RAD51B: variants seen among roughly 807,000 people sequenced by gnomAD.
RAD51B encodes the protein DNA repair protein RAD51 homolog 2.
RAD51B carries 38 observed loss-of-function variants against 42.2 expected under a neutral mutation model. The ratio of observed to expected loss-of-function variants is 0.90; its 90% CI spans 0.70 to 1.18. RAD51B has a LOEUF of 1.18. Among genes scored for constraint, RAD51B ranks in the 50% most tolerant of loss-of-function variants. The probability of loss-of-function intolerance (pLI) is 0.00; values close to 1 mark genes in which losing one functional copy is unlikely to be tolerated. For synonymous variants in RAD51B, 154 were observed against 145.2 expected, an observed-to-expected ratio of 1.06 and a Z score of -0.43; for missense variants, 373 against 400.7, an observed-to-expected ratio of 0.93 and a Z score of 0.59.
chr14:68,605,341 T>C (rs1046648961), intron 10 of RAD51B, among the ~76,000 whole-genome samples: 52 of 152,260 alleles, frequency 3.4e-4, no homozygotes, highest in African/African-American at 1.3e-3. Context: ...CCATTTTTAC[T>C]TTCTGCAGAA....
chr14:68,591,517 C>G (rs1039543468), intron 10 of RAD51B, among the ~76,000 whole-genome samples: 1 of 152,198 alleles, frequency 6.6e-6, no homozygotes, highest in Admixed American at 6.5e-5. Flanking sequence ...CTATGATAAT[C>G]GATATCCTTC....
At chr14:67,885,015 G>C (rs560583632) in intron 5 of RAD51B, among the ~76,000 whole-genome samples, 23 of 152,238 alleles carry the variant, frequency 1.5e-4, no homozygotes, top group Non-Finnish European at 2.8e-4. Context: ...CAAAATATAG[G>C]ATGCTTTTTG....
chr14:68,537,571 A>ATT (rs1269939974), intron 10 of RAD51B, among the ~76,000 whole-genome samples: 2 of 152,108 alleles, frequency 1.3e-5, no homozygotes, highest in Non-Finnish European at 2.9e-5. Flanking sequence ...CCTCTGCAAT[A>ATT]TCCTTTTAAG....
intron 8 of RAD51B, among the ~76,000 whole-genome samples, chr14:68,321,695 G>A (rs2082160220): frequency 6.6e-6 from 1 of 152,302 alleles, no homozygotes; most frequent in Middle Eastern, 3.4e-3. Flanking sequence ...TAATCATTCT[G>A]ACCTCACATT....
intron 7 of RAD51B, among the ~76,000 whole-genome samples, chr14:68,271,523 A>G (rs761061692): frequency 6.6e-6 from 1 of 152,220 alleles, no homozygotes; most frequent in Non-Finnish European, 1.5e-5. Flanking sequence ...AAAAAGATAA[A>G]TAGGCAATAC....
At chr14:68,104,613 G>C (rs2077345441) in intron 7 of RAD51B, among the ~76,000 whole-genome samples, 1 of 152,076 alleles carries the variant, frequency 6.6e-6, no homozygotes, top group African/African-American at 2.4e-5. Context: ...CACTGCAGGA[G>C]TCTCTCTGAA....
intron 8 of RAD51B, among the ~76,000 whole-genome samples, chr14:68,326,038 C>CTTTT (rs763428544): frequency 3.7e-5 from 3 of 80,468 alleles, no homozygotes; most frequent in African/African-American, 3.7e-5. Flanking sequence ...TTTTTCTTTT[C>CTTTT]TTTTTTTTTT....
chr14:68,209,450 C>G (rs2140941506), intron 7 of RAD51B, among the ~76,000 whole-genome samples: 1 of 152,326 alleles, frequency 6.6e-6, no homozygotes, highest in African/African-American at 2.4e-5. Context: ...TCACTGATAA[C>G]TCTCTGAGAG....
At chr14:67,882,398 C>T (rs1228339667) in intron 5 of RAD51B, among the ~76,000 whole-genome samples, 1 of 152,216 alleles carries the variant, frequency 6.6e-6, no homozygotes, top group Admixed American at 6.5e-5. Context: ...AATCCCAGAA[C>T]TCAGTCCTAG....
chr14:67,838,200 C>A (rs2041310509), intron 4 of RAD51B, among the ~76,000 whole-genome samples: 1 of 152,128 alleles, frequency 6.6e-6, no homozygotes, highest in Non-Finnish European at 1.5e-5. Flanking sequence ...CTGATGGACA[C>A]TTAGGTTGAT....
At chr14:68,051,228 A>G (rs932493674) in intron 7 of RAD51B, among the ~76,000 whole-genome samples, 2 of 152,088 alleles carry the variant, frequency 1.3e-5, no homozygotes, top group Admixed American at 6.5e-5. Context: ...CAAGAAGTTC[A>G]TGAAAAAGAT....
At chr14:67,878,601 A>G (rs980303962) in intron 5 of RAD51B, among the ~76,000 whole-genome samples, 1 of 152,192 alleles carries the variant, frequency 6.6e-6, no homozygotes, top group African/African-American at 2.4e-5. Context: ...GATTATATCA[A>G]TTGATATTTA....
downstream of RAD51B, among the ~76,000 whole-genome samples, chr14:68,481,151 G>GTA (rs1270956325): frequency 6.6e-6 from 1 of 152,116 alleles, no homozygotes; most frequent in Non-Finnish European, 1.5e-5. Context: ...GTGTTTTCTT[G>GTA]TAGTGCTCTC....
intron 8 of RAD51B, among the ~76,000 whole-genome samples, chr14:68,383,297 G>C (rs1190846729): frequency 6.6e-6 from 1 of 152,128 alleles, no homozygotes; most frequent in African/African-American, 2.4e-5. Flanking sequence ...CTCAACCCAG[G>C]GTACTTTGCC....
At chr14:68,267,703 A>G (rs972460593) in intron 7 of RAD51B, among the ~76,000 whole-genome samples, 1 of 152,172 alleles carries the variant, frequency 6.6e-6, no homozygotes, top group African/African-American at 2.4e-5. Flanking sequence ...ACTTCATTTT[A>G]TGTCTCTCTA....
At chr14:68,654,745 T>C (rs1404631537) in intron 11 of RAD51B, among the ~76,000 whole-genome samples, 1 of 152,138 alleles carries the variant, frequency 6.6e-6, no homozygotes, top group Non-Finnish European at 1.5e-5. Flanking sequence ...TGACCAGGCC[T>C]GCTTCAAAAC....
chr14:68,622,993 G>A (rs775002376), intron 10 of RAD51B, among the ~76,000 whole-genome samples: 61 of 152,244 alleles, frequency 4.0e-4, no homozygotes, highest in South Asian at 1.9e-3. Context: ...ATCTGAAAGC[G>A]GAGACAGGTT....
intron 10 of RAD51B, among the ~76,000 whole-genome samples, chr14:68,624,794 C>T (rs751444130): frequency 6.6e-6 from 1 of 152,272 alleles, no homozygotes; most frequent in East Asian, 1.9e-4. Flanking sequence ...AGACTTCTTC[C>T]CTCATCATCC....
chr14:68,483,108 G>A (rs1460709745), intron 10 of RAD51B, among the ~76,000 whole-genome samples: 1 of 152,124 alleles, frequency 6.6e-6, no homozygotes, highest in African/African-American at 2.4e-5. Context: ...CTCAAAAAAT[G>A]ATATACATTC....
Sources: gnomAD v4.1 joint callset for allele counts (sites outside exome capture counted in the v4.1 genomes callset) on GRCh38, gnomAD v4.1.1 for gene constraint, MANE v1.5 for transcripts, NCBI Gene and HGNC (gene_info 2026-07-23, HGNC 2026-07-21) for gene names.